Variants in WDR27 observed in about 807,000 individuals in gnomAD.
WDR27 encodes the protein WD repeat-containing protein 27.
Under a neutral mutation model 114.4 loss-of-function variants are expected in WDR27, and 100 were observed. The ratio of observed to expected loss-of-function variants is 0.87; its 90% CI spans 0.74 to 1.03. WDR27 has a LOEUF of 1.03. Ranked by LOEUF, WDR27 falls within the 50% of genes least tolerant of loss-of-function variation. The probability of loss-of-function intolerance (pLI) is 0.00; values close to 1 mark genes in which losing one functional copy is unlikely to be tolerated. For missense variants in WDR27, 1,129 were observed against 1,092.9 expected (o/e 1.03, Z -0.47); for synonymous variants, 449 against 423.1 (o/e 1.06, Z -0.75).
intron 23 of WDR27, among the ~76,000 whole-genome samples, chr6:169,599,392 G>A (rs1807477911): frequency 6.6e-6 from 1 of 152,088 alleles, no homozygotes; most frequent in African/African-American, 2.4e-5. Flanking sequence ...TTTATTTATG[G>A]ACTTTTTTTG....
chr6:169,492,939 A>G (rs1789954702), intron 25 of WDR27, among the ~76,000 whole-genome samples: 1 of 152,042 alleles, frequency 6.6e-6, no homozygotes, highest in South Asian at 2.1e-4. Flanking sequence ...TTAAAATATT[A>G]AAGGTAAAAA....
intron 25 of WDR27, among the ~76,000 whole-genome samples, chr6:169,522,822 G>A (rs1312590597): frequency 6.6e-6 from 1 of 151,670 alleles, no homozygotes; most frequent in Admixed American, 6.6e-5. Flanking sequence ...TACTAAGAGG[G>A]AAGTTTATAG....
Position 169,664,168 on chromosome 6 carries a change from G to A in WDR27, c.902C>T (p.Pro301Leu). 1 of 1,587,190 alleles carries A rather than the reference G, an allele frequency of 6.3e-7. No homozygotes were observed. Among genetic ancestry groups the A allele is most frequent in the Non-Finnish European group, 8.6e-7 (1 of 1,166,528 alleles). Residue 301 changes from proline to leucine, a missense_variant and splice_region_variant, in exon 8 of 26, where the codon CCA (proline) becomes CTA (leucine). Physicochemically the swap from Pro to Leu is moderately conservative, Grantham distance 98. Transcript: ENST00000448612. ...RRVKSGLCSQ[P>L]EESQLPSTSA... ...GAGGGAGGGTCTGAGCAACCCACCT[G>A]GCTGGCTGCACAGCCCAGACTTAAC...
chr6:169,617,750 C>T (rs1191270299), intron 21 of WDR27, among the ~76,000 whole-genome samples: 2 of 152,098 alleles, frequency 1.3e-5, no homozygotes, highest in Admixed American at 6.6e-5. Context: ...TTACTGTACA[C>T]ATGGCTGGCA....
At chr6:169,648,710 C>A (rs1562808787) in intron 15 of WDR27, among the ~76,000 whole-genome samples, 1 of 152,198 alleles carries the variant, frequency 6.6e-6, no homozygotes, top group Admixed American at 6.5e-5. Flanking sequence ...CTGGGAGGGA[C>A]CCTAGATGTC....
chr6:169,448,800 A>G, the WDR27 span, among the ~76,000 whole-genome samples: 8 of 152,150 alleles, frequency 5.3e-5, no homozygotes, highest in Non-Finnish European at 1.0e-4. Flanking sequence ...AGCAGAACCG[A>G]TCCAGGTGGG....
intron 23 of WDR27, among the ~76,000 whole-genome samples, chr6:169,594,211 A>G (rs1158649354): frequency 6.6e-6 from 1 of 152,198 alleles, no homozygotes; most frequent in African/African-American, 2.4e-5. Context: ...TGCTTAACAG[A>G]TGGAATTTTA....
chr6:169,439,411 A>C, the WDR27 span, among the ~76,000 whole-genome samples: 1 of 152,094 alleles, frequency 6.6e-6, no homozygotes, highest in African/African-American at 2.4e-5. Context: ...TACAGTGCTG[A>C]TTCTTATCTA....
chr6:169,622,676 A>G (rs1327730546), intron 21 of WDR27, among the ~76,000 whole-genome samples: 1 of 152,232 alleles, frequency 6.6e-6, no homozygotes, highest in Non-Finnish European at 1.5e-5. Flanking sequence ...AAAACAGGAA[A>G]CTTTTCAAAG....
chr6:169,521,488 T>G (rs1469179496), intron 25 of WDR27, among the ~76,000 whole-genome samples: 1 of 152,094 alleles, frequency 6.6e-6, no homozygotes, highest in African/African-American at 2.4e-5. Context: ...ATTTAGTGCA[T>G]TAGACAAACC....
chr6:169,600,455 C>T lies in WDR27; in HGVS notation c.2424+1764G>A, dbSNP rs1322130555. ...GCTCCTCACCAGCAACAGAACAAAG[C>T]TGGACGGAGAATGACTTTGACAAGT... is the stretch of plus-strand genomic sequence containing the variant. On this transcript the variant is annotated intron_variant, in intron 23 of 25. Transcript: ENST00000448612. Among the ~76,000 whole-genome samples, 11 of 152,316 alleles carry T rather than the reference C, an allele frequency of 7.2e-5. No homozygotes were observed. The East Asian group carries it at 1.9e-3, about 27-fold the overall frequency.
chr6:169,442,876 C>A, the WDR27 span, among the ~76,000 whole-genome samples: 9 of 152,154 alleles, frequency 5.9e-5, no homozygotes, highest in Admixed American at 1.3e-4. Context: ...CACCACCACC[C>A]CCACACATTC....
At chr6:169,512,319 A>T (rs1793007646) in intron 25 of WDR27, among the ~76,000 whole-genome samples, 1 of 152,210 alleles carries the variant, frequency 6.6e-6, no homozygotes, top group Non-Finnish European at 1.5e-5. Context: ...TTGATTTGAA[A>T]TAATGAAATG....
rs1279725470 is a variant in WDR27 at position 169,630,890 on chromosome 6, T to C, written c.2223+2057A>G. Among the ~76,000 whole-genome samples, 5 of 64,654 alleles carry C rather than the reference T, an allele frequency of 7.7e-5. No homozygotes were observed. The East Asian group carries it at 2.5e-3, about 32-fold the overall frequency. 42.4% of individuals were successfully genotyped at this position (64,654 alleles called of 152,430 possible). ...ACCTGGGAGACAGAGGAAGATTCCA[T>C]CTCAAATCAATCAATCAATCAATAA... On this transcript the variant is annotated intron_variant, in intron 21 of 25. Transcript: ENST00000448612.
At chr6:169,628,895 G>GT (rs11382916) in intron 21 of WDR27, among the ~76,000 whole-genome samples, 4,358 of 152,272 alleles carry the variant, frequency 0.029, 154 homozygotes, top group African/African-American at 0.085. Context: ...CATGTGGAAC[G>GT]TAAGAGTTTT....
intron 25 of WDR27, among the ~76,000 whole-genome samples, chr6:169,476,513 G>A (rs887819889): frequency 6.6e-6 from 1 of 152,158 alleles, no homozygotes; most frequent in Non-Finnish European, 1.5e-5. Context: ...GGCCTTTGCA[G>A]CCTTCATACT....
Position 169,590,559 on chromosome 6 carries a change from C to T in WDR27, c.2425-7625G>A, listed in dbSNP as rs186462325. Reference sequence around the variant, plus strand: ...TGTTAGAGAATTCCTGATGGTGGCACGCAGGGCCACCTGGCCGCCCGCCAC... The same window carrying T: ...TGTTAGAGAATTCCTGATGGTGGCATGCAGGGCCACCTGGCCGCCCGCCAC... On this transcript the variant is annotated intron_variant, in intron 23 of 25. Coordinates refer to ENST00000448612, the MANE Select transcript of WDR27 (RefSeq NM_182552.5). Among the ~76,000 whole-genome samples the T allele has an allele frequency of 1.1e-3, 174 of 152,334 alleles. 1 individual carries two copies. The highest frequency in any genetic ancestry group is 6.8e-3 in the Middle Eastern group (2 of 294).
chr6:169,482,003 C>T (rs1258507182), intron 25 of WDR27, among the ~76,000 whole-genome samples: 1 of 152,196 alleles, frequency 6.6e-6, no homozygotes, highest in Non-Finnish European at 1.5e-5. Flanking sequence ...CCTCTATGTG[C>T]CATGAGTTCT....
chr6:169,446,547 GC>G, the WDR27 span, among the ~76,000 whole-genome samples: 1 of 152,238 alleles, frequency 6.6e-6, no homozygotes, highest in Non-Finnish European at 1.5e-5. Context: ...GGGAGCATCT[GC>G]AGGGGGCAGG....
Sources: gnomAD v4.1 joint callset for allele counts (sites outside exome capture counted in the v4.1 genomes callset) on GRCh38, gnomAD v4.1.1 for gene constraint, MANE v1.5 for transcripts, NCBI Gene and HGNC (gene_info 2026-07-23, HGNC 2026-07-21) for gene names.